Variants in ALMS1 observed in about 807,000 individuals in gnomAD.
The protein encoded by ALMS1 is ALMS1 centrosome and basal body associated protein, also known as centrosome-associated protein ALMS1.
Under a neutral mutation model 352.2 loss-of-function variants are expected in ALMS1, and 271 were observed. The observed-to-expected ratio is 0.77, with a 90% CI of 0.70 to 0.85. The LOEUF is 0.85. ALMS1 is among the 40% of genes least tolerant of loss of function. ALMS1 has a pLI of 0.00. For synonymous variants in ALMS1, 1,865 were observed against 1,761.2 expected (o/e 1.06, Z -1.48); for missense variants, 5,445 against 4,870.7 (o/e 1.12, Z -3.51).
intron 9 of ALMS1, among the ~76,000 whole-genome samples, chr2:73,456,280 A>G (rs1672057465): frequency 6.6e-6 from 1 of 152,180 alleles, no homozygotes; most frequent in Admixed American, 6.5e-5. Flanking sequence ...TGTTTCACAC[A>G]GTGTTAGGGT....
At chr2:73,538,193 C>T (rs1266462681) in intron 12 of ALMS1, among the ~76,000 whole-genome samples, 50 of 152,150 alleles carry the variant, frequency 3.3e-4, no homozygotes, top group African/African-American at 1.1e-3. Flanking sequence ...GTAAGGAACC[C>T]TTACAACTCA....
chr2:73,607,746 C>T (rs1241729847), intron 21 of ALMS1, among the ~76,000 whole-genome samples: 1 of 151,892 alleles, frequency 6.6e-6, no homozygotes, highest in African/African-American at 2.4e-5. Context: ...CAGGTTCAAG[C>T]GATTCTCCTG....
chr2:73,490,199 T>TG lies in ALMS1; in HGVS notation c.8245dup (p.Val2749GlyfsTer3), dbSNP rs748621056. ...GGTAGCCAGTGTACTGGAGCATCTGTGGGGGTATTTAATTCTCATTTCACT... is the reference window on the plus strand; with the variant it reads ...GGTAGCCAGTGTACTGGAGCATCTGTGGGGGGTATTTAATTCTCATTTCACT... On this transcript the variant is annotated frameshift_variant, in exon 10 of 23. Coordinates refer to ENST00000613296, the MANE Select transcript of ALMS1 (RefSeq NM_001378454.1). LOFTEE classifies it high-confidence loss of function. 6.2e-7 allele frequency: 1 copy of TG among 1,614,200 alleles called. No homozygotes were observed. Among genetic ancestry groups the TG allele is most frequent in the Admixed American group, 1.7e-5 (1 of 60,032 alleles).
At chr2:73,584,315 T>C (rs1196932929) in intron 16 of ALMS1, among the ~76,000 whole-genome samples, 1 of 152,192 alleles carries the variant, frequency 6.6e-6, no homozygotes, top group African/African-American at 2.4e-5. Flanking sequence ...AACATTTTAC[T>C]TACATTTTAT....
At chr2:73,574,403 T>C (rs965942417) in intron 16 of ALMS1, among the ~76,000 whole-genome samples, 18 of 152,292 alleles carry the variant, frequency 1.2e-4, no homozygotes, top group African/African-American at 4.3e-4. Context: ...TTTATATTCA[T>C]TTTCCCCAAC....
At chr2:73,540,836 T>G (rs1674160112) in intron 12 of ALMS1, among the ~76,000 whole-genome samples, 1 of 152,238 alleles carries the variant, frequency 6.6e-6, no homozygotes. Flanking sequence ...ATCCTAAATA[T>G]GTGTGCACCC....
At chr2:73,518,275 T>C (rs1323794408) in intron 10 of ALMS1, among the ~76,000 whole-genome samples, 1 of 152,198 alleles carries the variant, frequency 6.6e-6, no homozygotes, top group Non-Finnish European at 1.5e-5. Context: ...GCTCCATCCA[T>C]GTTCTGCAAA....
At chr2:73,412,508 G>C (rs1313923330) in intron 2 of ALMS1, among the ~76,000 whole-genome samples, 2 of 152,188 alleles carry the variant, frequency 1.3e-5, no homozygotes, top group African/African-American at 4.8e-5. Context: ...ACCTAGGAAT[G>C]GCTGGACGTG....
intron 12 of ALMS1, among the ~76,000 whole-genome samples, chr2:73,544,039 T>A (rs1005677307): frequency 2.6e-5 from 4 of 152,164 alleles, no homozygotes; most frequent in African/African-American, 9.7e-5. Context: ...GGATTATAAA[T>A]CATGCTGCTA....
intron 10 of ALMS1, among the ~76,000 whole-genome samples, chr2:73,495,470 A>C (rs914405420): frequency 2.6e-5 from 4 of 152,124 alleles, no homozygotes; most frequent in Admixed American, 6.5e-5. Flanking sequence ...TCCTGACCTC[A>C]GGTGATCTGC....
chr2:73,520,747 C>T (rs1673658913), intron 11 of ALMS1, among the ~76,000 whole-genome samples: 1 of 152,176 alleles, frequency 6.6e-6, no homozygotes, highest in Non-Finnish European at 1.5e-5. Flanking sequence ...ATAAGGTGAA[C>T]ATTTAGAGTG....
In ALMS1 at chr2:73,572,277, C is replaced by T; in HGVS notation, c.10400C>T (p.Ser3467Leu). 6.2e-7 allele frequency: 1 copy of T among 1,607,854 alleles called. No individual in the cohort carries two copies. Among genetic ancestry groups the T allele is most frequent in the Non-Finnish European group, 8.5e-7 (1 of 1,178,382 alleles). The change falls in exon 16 of 23, where the codon TCA (serine) becomes TTA (leucine). Residue 3467 changes from serine (S) to leucine (L), a missense_variant. Ser to Leu is a moderately radical substitution (Grantham distance 145). Transcript: ENST00000613296. ...QINIEESECH[S>L]EFENTTRSVF... Reference sequence around the variant, plus strand: ...TCCTTTTCAGAGTCCGAATGTCATTCAGAATTTGAAAATACTACCCGTTCT... The same window carrying T: ...TCCTTTTCAGAGTCCGAATGTCATTTAGAATTTGAAAATACTACCCGTTCT...
intron 12 of ALMS1, among the ~76,000 whole-genome samples, chr2:73,543,832 T>C (rs1674248229): frequency 1.3e-5 from 2 of 152,146 alleles, no homozygotes; most frequent in African/African-American, 4.8e-5. Context: ...CTTACACCAG[T>C]TAGAATGGCG....
chr2:73,583,418 A>T (rs534590581), intron 16 of ALMS1, among the ~76,000 whole-genome samples: 2 of 152,152 alleles, frequency 1.3e-5, no homozygotes, highest in African/African-American at 4.8e-5. Context: ...CAGATACATG[A>T]TTTGTAAATA....
intron 15 of ALMS1, among the ~76,000 whole-genome samples, chr2:73,566,609 A>G (rs1299939011): frequency 6.6e-6 from 1 of 152,248 alleles, no homozygotes; most frequent in East Asian, 1.9e-4. Flanking sequence ...AAAACCACAG[A>G]TAAGGGGGAC....
intron 16 of ALMS1, among the ~76,000 whole-genome samples, chr2:73,594,277 A>G (rs1236961313): frequency 6.6e-6 from 1 of 152,124 alleles, no homozygotes; most frequent in Non-Finnish European, 1.5e-5. Context: ...ACTGGGCTGG[A>G]TAATTATATT....
At chr2:73,539,440 A>G (rs902989210) in intron 12 of ALMS1, among the ~76,000 whole-genome samples, 1 of 152,198 alleles carries the variant, frequency 6.6e-6, no homozygotes, top group Non-Finnish European at 1.5e-5. Context: ...CAGAGCAGAA[A>G]AACTGAAAAT....
At chr2:73,473,019 T>A (rs187354328) in intron 9 of ALMS1, among the ~76,000 whole-genome samples, 10 of 151,852 alleles carry the variant, frequency 6.6e-5, no homozygotes, top group Admixed American at 3.3e-4. Flanking sequence ...AGATACGGGG[T>A]GGTATAAGGA....
At chr2:73,396,914 G>GGAGGCCTCCCAA in intron 1 of ALMS1, among the ~76,000 whole-genome samples, 1 of 152,266 alleles carries the variant, frequency 6.6e-6, no homozygotes, top group South Asian at 2.1e-4. Context: ...AAAGTGCTAG[G>GGAGGCCTCCCAA]ATTACAGGCT....
Sources: allele counts gnomAD v4.1 joint callset (sites outside exome capture counted in the v4.1 genomes callset), GRCh38; gene constraint gnomAD v4.1.1; transcripts MANE v1.5; gene names NCBI Gene and HGNC (gene_info 2026-07-23, HGNC 2026-07-21).